Variants in WDR25 observed in about 807,000 individuals in gnomAD.
The protein encoded by WDR25 is WD repeat domain 25, also known as WD repeat-containing protein 25.
WDR25 carries 35 observed loss-of-function variants against 47.7 expected under a neutral mutation model. That is an observed-to-expected ratio of 0.73 (90% CI 0.56 to 0.97). The LOEUF (loss-of-function observed/expected upper bound fraction) is 0.97. WDR25 is among the 50% of genes least tolerant of loss of function. The probability of loss-of-function intolerance (pLI) is 0.00; values close to 1 mark genes in which losing one functional copy is unlikely to be tolerated. For synonymous variants in WDR25, 248 were observed against 278.9 expected (o/e 0.89, Z 1.10); for missense variants, 634 against 704.7 (o/e 0.90, Z 1.14).
intron 2 of WDR25, among the ~76,000 whole-genome samples, chr14:100,410,589 T>C (rs539500759): frequency 1.3e-5 from 2 of 152,118 alleles, no homozygotes; most frequent in South Asian, 2.1e-4. Flanking sequence ...GAGGAAGACA[T>C]GGGTCCGTCC....
rs773007046 is a variant in WDR25, at chr14:100,381,630, C to T, written c.706C>T (p.Arg236Trp). The T allele has an allele frequency of 4.3e-5, 69 of 1,607,892 alleles. No homozygotes were observed. Among genetic ancestry groups the T allele is most frequent in the Middle Eastern group, 3.3e-4 (2 of 6,062 alleles). The change falls in exon 2 of 7, where the codon CGG becomes TGG. Residue 236 changes from arginine (R) to tryptophan (W), a missense_variant. Physicochemically the swap from Arg to Trp is moderately radical, Grantham distance 101. Coordinates refer to ENST00000402312, the MANE Select transcript of WDR25 (RefSeq NM_001161476.3). Reference sequence around the variant, plus strand: ...CCATTATAAAGAAACCACAGTTCCCCGGAAAGTGCTTTTCCACCTGAGAGG... The same window carrying T: ...CCATTATAAAGAAACCACAGTTCCCTGGAAAGTGCTTTTCCACCTGAGAGG... The part of the protein sequence containing the change: ...NSHYKETTVP[R>W]KVLFHLRGHR...
intron 3 of WDR25, among the ~76,000 whole-genome samples, chr14:100,475,725 T>C (rs1332731772): frequency 6.6e-6 from 1 of 152,232 alleles, no homozygotes; most frequent in Non-Finnish European, 1.5e-5. Flanking sequence ...CACTGCATGA[T>C]GACCACAGTT....
Position 100,530,162 on chromosome 14 carries a change from C to A in WDR25, c.*121C>A. ...TGGGTCCTGGGTACCACCTTCTGAG[C>A]CTCAGTTTCCTCATCTGTAAAGTGG... On this transcript the variant is annotated 3_prime_UTR_variant, in exon 7 of 7. Transcript: ENST00000402312. 1 of 941,660 alleles carries A rather than the reference C, an allele frequency of 1.1e-6. No individual in the cohort carries two copies. Among genetic ancestry groups the A allele is most frequent in the Non-Finnish European group, 1.6e-6 (1 of 638,348 alleles). The allele number at this position is 941,660 out of a possible 1,614,324, so 58.3% of individuals were successfully genotyped here.
At chr14:100,466,795 T>C (rs1359502977) in intron 2 of WDR25, among the ~76,000 whole-genome samples, 1 of 152,240 alleles carries the variant, frequency 6.6e-6, no homozygotes, top group Non-Finnish European at 1.5e-5. Context: ...GTGAGAGCAC[T>C]GCCCTCATCC....
At chr14:100,497,848 C>T (rs1900785483) in intron 4 of WDR25, among the ~76,000 whole-genome samples, 1 of 152,138 alleles carries the variant, frequency 6.6e-6, no homozygotes, top group Admixed American at 6.5e-5. Flanking sequence ...GATGCTGCTT[C>T]CACAGCTCGA....
Position 100,449,343 on chromosome 14 carries a change from C to T in WDR25, c.823-18678C>T, listed in dbSNP as rs1320440724. On this transcript the variant is annotated intron_variant, in intron 2 of 6. Transcript: ENST00000402312. This position sits in a 1 kb window ranked among gnomAD's most constrained non-coding sequence, Gnocchi z 4.2. ...CTGTTGGAGCCTGGCTACAGGGCTG[C>T]CCCGGGAGGCCTCCTTTGGGAGCAG... Among the ~76,000 whole-genome samples, 1 of 152,238 alleles carries T rather than the reference C, an allele frequency of 6.6e-6. No homozygotes were observed. Among genetic ancestry groups the T allele is most frequent in the Non-Finnish European group, 1.5e-5 (1 of 68,026 alleles).
chr14:100,385,921 C>G (rs1172036809), intron 2 of WDR25, among the ~76,000 whole-genome samples: 3 of 152,168 alleles, frequency 2.0e-5, no homozygotes, highest in Non-Finnish European at 4.4e-5. Flanking sequence ...TGAATGCTCC[C>G]ATGTACAGAA....
intron 2 of WDR25, chr14:100,382,285 G>A (rs1896923183): frequency 3.0e-6 from 2 of 660,434 alleles, no homozygotes; most frequent in East Asian, 2.7e-5. Context: ...CCCAACGGGA[G>A]GGTTACCAGC....
rs187926461 is a variant in WDR25, at chr14:100,499,180, T to G, written c.1101+15056T>G. Among the ~76,000 whole-genome samples, 173 of 152,362 alleles carry G rather than the reference T, an allele frequency of 1.1e-3. No homozygotes were observed. Among genetic ancestry groups the G allele is most frequent in the African/African-American group, 3.9e-3 (164 of 41,590 alleles). The stretch of plus-strand genomic sequence containing the variant: ...ACCCAGCCATAACCACCACTGACAG[T>G]TGGTATCCTTCATTCAATTGTTTTA... On this transcript the variant is annotated intron_variant, in intron 4 of 6. Transcript: ENST00000402312. This position sits in a 1 kb window ranked among gnomAD's most constrained non-coding sequence, Gnocchi z 4.4.
At chr14:100,436,782 T>C (rs566033104) in intron 2 of WDR25, among the ~76,000 whole-genome samples, 6 of 152,212 alleles carry the variant, frequency 3.9e-5, no homozygotes, top group Non-Finnish European at 7.3e-5. Flanking sequence ...GCATCATATG[T>C]GCAGAAGAGA....
At chr14:100,459,937 T>TACAC (rs1302820264) in intron 2 of WDR25, among the ~76,000 whole-genome samples, 1 of 97,712 alleles carries the variant, frequency 1.0e-5, no homozygotes, top group Non-Finnish European at 2.0e-5. Context: ...TATATATATA[T>TACAC]ATACACATAC....
intron 2 of WDR25, among the ~76,000 whole-genome samples, chr14:100,423,403 A>G (rs1898080996): frequency 6.6e-6 from 1 of 152,150 alleles, no homozygotes; most frequent in African/African-American, 2.4e-5. Context: ...CTTGGGCCAC[A>G]TAGCACCCAA....
chr14:100,401,642 A>C (rs1174616716), intron 2 of WDR25, among the ~76,000 whole-genome samples: 1 of 152,140 alleles, frequency 6.6e-6, no homozygotes. Context: ...GTTGGTTGAC[A>C]TTTTTCTTTT....
intron 2 of WDR25, among the ~76,000 whole-genome samples, chr14:100,394,191 G>A (rs879345917): frequency 3.9e-5 from 6 of 152,276 alleles, no homozygotes; most frequent in Non-Finnish European, 7.4e-5. Flanking sequence ...GCCTTGATTC[G>A]TTGATCAAAT....
In WDR25 at chr14:100,450,922, G is replaced by C. The variant is rs904319663; in HGVS notation, c.823-17099G>C. On this transcript the variant is annotated intron_variant, in intron 2 of 6. Coordinates refer to ENST00000402312, the MANE Select transcript of WDR25 (RefSeq NM_001161476.3). ...CAGTCCCTACAGGTGGGGCAGGTGTGAAAGAGCACCTAACAACGTCAAAGC... is the reference window on the plus strand; with the variant it reads ...CAGTCCCTACAGGTGGGGCAGGTGTCAAAGAGCACCTAACAACGTCAAAGC... Among the ~76,000 whole-genome samples, 5 of 152,292 alleles carry C rather than the reference G, an allele frequency of 3.3e-5. No individual in the cohort carries two copies. The South Asian group carries it at 1.0e-3, about 32-fold the overall frequency.
rs527540163 is a variant in WDR25 at position 100,417,626 on chromosome 14, G to A, written c.822+35880G>A. 3.9e-5 allele frequency among the ~76,000 whole-genome samples: 6 copies of A among 152,308 alleles called. No homozygotes were observed. In the South Asian group the frequency reaches 1.2e-3, roughly 32 times the overall value. On this transcript the variant is annotated intron_variant, in intron 2 of 6. Coordinates refer to ENST00000402312, the MANE Select transcript of WDR25 (RefSeq NM_001161476.3). ...GAGCATTACCTCTGCTTGCGGATGGGGGTGCTAGAGACCGAGCCTTTTCCT... is the reference window on the plus strand; with the variant it reads ...GAGCATTACCTCTGCTTGCGGATGGAGGTGCTAGAGACCGAGCCTTTTCCT...
intron 4 of WDR25, among the ~76,000 whole-genome samples, chr14:100,508,345 T>A (rs1378943516): frequency 6.6e-6 from 1 of 152,084 alleles, no homozygotes; most frequent in Non-Finnish European, 1.5e-5. Context: ...CTGGAAGCAT[T>A]CCCCTTGAGA....
chr14:100,502,508 ACACT>A lies in WDR25; in HGVS notation c.1101+18388_1101+18391del, dbSNP rs999087024. 1.3e-5 allele frequency among the ~76,000 whole-genome samples: 2 copies of A among 152,198 alleles called. No individual in the cohort carries two copies. Among genetic ancestry groups the A allele is most frequent in the Non-Finnish European group, 2.9e-5 (2 of 68,020 alleles). On this transcript the variant is annotated intron_variant, in intron 4 of 6. Transcript: ENST00000402312. This position sits in a 1 kb window ranked among gnomAD's most constrained non-coding sequence, Gnocchi z 4.5. ...AGCTGGGGGAGCTGGGGGACCCAAG[ACACT>A]CACAGGCTGCTCCCCACCTGCCAGC...
chr14:100,462,864 C>T (rs1771277160), intron 2 of WDR25, among the ~76,000 whole-genome samples: 1 of 137,970 alleles, frequency 7.2e-6, no homozygotes. Context: ...CCTCTCTGCA[C>T]CCCCCTTCCT....
Sources: gnomAD v4.1 joint callset for allele counts (sites outside exome capture counted in the v4.1 genomes callset) on GRCh38, gnomAD v4.1.1 for gene constraint, Gnocchi (gnomAD v3.1) non-coding constraint, MANE v1.5 for transcripts, NCBI Gene and HGNC (gene_info 2026-07-23, HGNC 2026-07-21) for gene names.